ZFTRAF1: variants seen among roughly 807,000 people sequenced by gnomAD.
ZFTRAF1 encodes zinc finger TRAF-type and ring finger containing 1.
the ZFTRAF1 span, chr8:144,462,391 C>A: frequency 2.3e-6 from 1 of 429,864 alleles, no homozygotes; most frequent in South Asian, 4.5e-5. Context: ...CCGCCGCCGC[C>A]TCGGCCGCCT....
At chr8:144,450,451 G>A in the ZFTRAF1 span, 23 of 718,116 alleles carry the variant, frequency 3.2e-5, no homozygotes, top group South Asian at 1.5e-4. Context: ...TGCACTCCAC[G>A]GAGTCAATGA....
the ZFTRAF1 span, chr8:144,450,192 G>A: frequency 7.9e-4 from 438 of 555,376 alleles, 1 homozygote; most frequent in African/African-American, 7.3e-3. Flanking sequence ...GGCAGGGGTC[G>A]GGGGGGTGAG....
the ZFTRAF1 span, chr8:144,452,594 C>T: frequency 3.3e-6 from 5 of 1,528,624 alleles, no homozygotes; most frequent in African/African-American, 1.4e-5. Flanking sequence ...GTACATCACT[C>T]ACAGACTGAG....
the ZFTRAF1 span, chr8:144,450,108 G>T: frequency 0.95 from 429,357 of 452,776 alleles, 205,420 homozygotes; most frequent in Non-Finnish European, 1. Flanking sequence ...CACCGTCTCT[G>T]AGCCTCGGGG....
chr8:144,462,532 C>G, the ZFTRAF1 span: 2 of 152,090 alleles, frequency 1.3e-5, no homozygotes, highest in Non-Finnish European at 2.8e-5. Context: ...CCAGAGCCGC[C>G]GCCGCCGCCT....
chr8:144,450,343 C>T, the ZFTRAF1 span: 245 of 699,706 alleles, frequency 3.5e-4, 1 homozygote, highest in African/African-American at 3.2e-3. Flanking sequence ...GCTGGGATGC[C>T]GCCCGTGGGC....
the ZFTRAF1 span, chr8:144,453,201 A>G: frequency 1.2e-5 from 19 of 1,546,058 alleles, no homozygotes; most frequent in Non-Finnish European, 1.7e-5. Flanking sequence ...CTGTAAGGCT[A>G]AGCCCCTGAC....
the ZFTRAF1 span, among the ~76,000 whole-genome samples, chr8:144,461,798 G>A: frequency 2.6e-5 from 4 of 152,332 alleles, no homozygotes; most frequent in East Asian, 1.9e-4. Flanking sequence ...GCGTCCATAG[G>A]ATGTTCAGGA....
the ZFTRAF1 span, among the ~76,000 whole-genome samples, chr8:144,458,851 C>T: frequency 6.6e-6 from 1 of 152,224 alleles, no homozygotes; most frequent in Admixed American, 6.5e-5. Flanking sequence ...AATGGCAGGG[C>T]ACTGTGCAGG....
At chr8:144,454,190 T>G in the ZFTRAF1 span, 1 of 152,308 alleles carries the variant, frequency 6.6e-6, no homozygotes, top group Non-Finnish European at 1.5e-5. Context: ...TCCCTGCCTG[T>G]GTGGGCTCCC....
At chr8:144,462,112 G>A in the ZFTRAF1 span, among the ~76,000 whole-genome samples, 10 of 152,162 alleles carry the variant, frequency 6.6e-5, no homozygotes, top group Non-Finnish European at 1.5e-4. Flanking sequence ...GAGGAGCTTC[G>A]GAGCAGCCGC....
At chr8:144,451,148 TG>T in the ZFTRAF1 span, 1 of 210,018 alleles carries the variant, frequency 4.8e-6, no homozygotes, top group Non-Finnish European at 9.8e-6. Flanking sequence ...TGCACTTTAT[TG>T]GTTCTGATAC....
the ZFTRAF1 span, chr8:144,462,373 C>G: frequency 2.1e-6 from 1 of 468,552 alleles, no homozygotes; most frequent in Non-Finnish European, 3.8e-6. Flanking sequence ...TGCCGGCCGC[C>G]GCCGCCGCCG....
chr8:144,461,877 G>A, the ZFTRAF1 span, among the ~76,000 whole-genome samples: 1 of 152,164 alleles, frequency 6.6e-6, no homozygotes, highest in Non-Finnish European at 1.5e-5. Context: ...ACAGGACTCT[G>A]AGCCCAGGGA....
At chr8:144,453,654 G>A in the ZFTRAF1 span, 1 of 591,054 alleles carries the variant, frequency 1.7e-6, no homozygotes, top group Non-Finnish European at 3.0e-6. Context: ...GGCAGAGCCA[G>A]CTTGGGTTCT....
At chr8:144,461,828 G>A in the ZFTRAF1 span, among the ~76,000 whole-genome samples, 2 of 152,140 alleles carry the variant, frequency 1.3e-5, no homozygotes, top group African/African-American at 2.4e-5. Flanking sequence ...CAAACTCGGG[G>A]GTGTGGCTGC....
chr8:144,450,901 T>C, the ZFTRAF1 span: 1 of 598,406 alleles, frequency 1.7e-6, no homozygotes, highest in Non-Finnish European at 3.0e-6. Flanking sequence ...CACCGGGCTC[T>C]GCTTGTCACA....
chr8:144,452,306 C>T, the ZFTRAF1 span: 51 of 1,534,094 alleles, frequency 3.3e-5, no homozygotes, highest in Non-Finnish European at 4.4e-5. Context: ...TCCTGGCTGC[C>T]AGCCCCCCAA....
At chr8:144,457,777 G>A in the ZFTRAF1 span, 5 of 152,292 alleles carry the variant, frequency 3.3e-5, no homozygotes, top group Admixed American at 6.5e-5. Flanking sequence ...AGCTGACCTT[G>A]TAGGACCCCT....
Sources: allele counts gnomAD v4.1 joint callset (sites outside exome capture counted in the v4.1 genomes callset), GRCh38; gene constraint gnomAD v4.1.1; transcripts MANE v1.5; gene names NCBI Gene and HGNC (gene_info 2026-07-23, HGNC 2026-07-21).